MALT1: variants seen among roughly 807,000 people sequenced by gnomAD.
MALT1 encodes the protein mucosa-associated lymphoid tissue lymphoma translocation protein 1.
Under a neutral mutation model 85.5 loss-of-function variants are expected in MALT1, and 36 were observed. The observed-to-expected ratio is 0.42, with a 90% CI of 0.32 to 0.56. The LOEUF (loss-of-function observed/expected upper bound fraction) is 0.56, where lower values mean the gene tolerates loss of function less well. MALT1 is among the 20% of genes least tolerant of loss of function. MALT1 has a pLI of 0.10. For missense variants in MALT1, 716 were observed against 981.6 expected (o/e 0.73, Z 3.62); for synonymous variants, 359 against 361.3 (o/e 0.99, Z 0.07).
intron 1 of MALT1, among the ~76,000 whole-genome samples, chr18:58,674,343 AG>A (rs1309054443): frequency 6.6e-6 from 1 of 152,178 alleles, no homozygotes; most frequent in Non-Finnish European, 1.5e-5. Flanking sequence ...CACAGAGAGA[AG>A]GGGACAGTTG....
intron 4 of MALT1, among the ~76,000 whole-genome samples, chr18:58,707,759 G>A (rs1369971913): frequency 1.3e-5 from 2 of 152,098 alleles, no homozygotes; most frequent in East Asian, 1.9e-4. Context: ...CACACCCCTC[G>A]TAATGGCTAC....
intron 14 of MALT1, among the ~76,000 whole-genome samples, 154 bp downstream of exon 14, chr18:58,742,168 A>T (rs1267053592): frequency 1.3e-5 from 2 of 152,216 alleles, no homozygotes; most frequent in Non-Finnish European, 2.9e-5. Context: ...TCAATTATGG[A>T]TATTACACTG....
At position 58,752,636 on chromosome 18, in the gene MALT1, AAG is replaced by A. The variant is rs1491154062; in HGVS notation, c.*4795_*4796del. The A allele has an allele frequency of 8.7e-5, 13 of 148,598 alleles. No individual in the cohort carries two copies. The highest frequency in any genetic ancestry group is 3.0e-4 in the African/African-American group (12 of 40,496). The allele number at this position is 148,598 out of a possible 1,614,324, so 9.2% of individuals were successfully genotyped here. On this transcript the variant is annotated 3_prime_UTR_variant, in exon 17 of 17. Coordinates refer to ENST00000649217, the MANE Select transcript of MALT1 (RefSeq NM_006785.4). The stretch of plus-strand genomic sequence containing the variant: ...TCTACCAAAAAAAAAAAAAAAAAAA[AAG>A]CAAAAACAAAAATTAACTGGGCATA...
intron 7 of MALT1, among the ~76,000 whole-genome samples, chr18:58,712,224 CCAAATTTTTTT>C (rs1294260435): frequency 2.6e-5 from 4 of 152,016 alleles, no homozygotes; most frequent in African/African-American, 9.7e-5. Context: ...AAAATTAGAT[CCAAATTTTTTT>C]CAATGAAAGT....
At chr18:58,707,651 T>C (rs1159801830) in intron 4 of MALT1, among the ~76,000 whole-genome samples, 3 of 152,190 alleles carry the variant, frequency 2.0e-5, no homozygotes, top group Non-Finnish European at 4.4e-5. Context: ...ATGCTGAACA[T>C]TGAGTATAAA....
intron 13 of MALT1, among the ~76,000 whole-genome samples, chr18:58,739,346 T>C (rs1255157724): frequency 6.6e-6 from 1 of 152,204 alleles, no homozygotes; most frequent in East Asian, 1.9e-4. Context: ...ATCAGTGTTA[T>C]CAGTATCAGT....
chr18:58,742,159 C>T (rs1033222861), intron 14 of MALT1, 145 bp downstream of exon 14: 17 of 466,332 alleles, frequency 3.6e-5, no homozygotes, highest in Non-Finnish European at 6.1e-5. Context: ...ACAAATATTT[C>T]AATTATGGAT....
At chr18:58,693,182 A>T (rs2054537692) in intron 2 of MALT1, among the ~76,000 whole-genome samples, 1 of 152,196 alleles carries the variant, frequency 6.6e-6, no homozygotes, top group Admixed American at 6.5e-5. Flanking sequence ...CCACTCTGGG[A>T]GGCCAGGGCA....
chr18:58,727,946 T>G (rs1266661768), intron 10 of MALT1, among the ~76,000 whole-genome samples: 1 of 152,118 alleles, frequency 6.6e-6, no homozygotes, highest in Non-Finnish European at 1.5e-5. Context: ...ATGTAACTAG[T>G]GACCTTTCTT....
intron 1 of MALT1, among the ~76,000 whole-genome samples, chr18:58,679,647 G>A (rs55842829): frequency 1.4e-3 from 215 of 152,284 alleles, no homozygotes; most frequent in African/African-American, 5.0e-3. Flanking sequence ...TCCGCCTCCT[G>A]GGTTCAAGCG....
chr18:58,692,982 A>G (rs1227611938), intron 2 of MALT1, among the ~76,000 whole-genome samples: 1 of 152,222 alleles, frequency 6.6e-6, no homozygotes, highest in African/African-American at 2.4e-5. Context: ...ATTTCTGTGA[A>G]GACAGAGAGG....
chr18:58,736,061 G>A (rs1163593094), intron 13 of MALT1, among the ~76,000 whole-genome samples: 1 of 152,152 alleles, frequency 6.6e-6, no homozygotes, highest in East Asian at 1.9e-4. Flanking sequence ...GCTGAGGCAG[G>A]AGGATCACTT....
chr18:58,735,422 C>G lies in MALT1; in HGVS notation c.1603+93C>G, dbSNP rs73451257. 5.5e-3 allele frequency: 7,533 copies of G among 1,365,376 alleles called. 284 individuals carry two copies. In the African/African-American group the frequency reaches 0.091, roughly 17 times the overall value. The allele number at this position is 1,365,376 out of a possible 1,614,324, so 84.6% of individuals were successfully genotyped here. A position where few individuals can be genotyped will look rare whatever the true frequency, so the allele number is the denominator to read the frequency against. On this transcript the variant is annotated intron_variant, in intron 13 of 16. Transcript: ENST00000649217. ...TTCCCTCTCTGGTGATTGTTTTATT[C>G]TTATTATGTGGGTTTGGAATTAGTA...
intron 13 of MALT1, among the ~76,000 whole-genome samples, chr18:58,736,140 TAAAAAA>T (rs1337020777): frequency 6.6e-6 from 1 of 152,028 alleles, no homozygotes; most frequent in East Asian, 1.9e-4. Context: ...AAAATAAAAA[TAAAAAA>T]GAAGAAATTA....
chr18:58,745,590 G>C, intron 15 of MALT1, 76 bp from the exon 16 acceptor site: 1 of 1,317,804 alleles, frequency 7.6e-7, no homozygotes, highest in Non-Finnish European at 1.1e-6. Flanking sequence ...TATCAGTTAA[G>C]ATGTCTTATG....
At chr18:58,742,912 C>T (rs1478226597) in intron 14 of MALT1, among the ~76,000 whole-genome samples, 3 of 152,102 alleles carry the variant, frequency 2.0e-5, no homozygotes, top group East Asian at 1.9e-4. Context: ...GCTTAATTAC[C>T]TTTTGGTAAT....
intron 1 of MALT1, among the ~76,000 whole-genome samples, chr18:58,680,784 G>A (rs968039855): frequency 1.3e-4 from 19 of 151,868 alleles, no homozygotes; most frequent in South Asian, 6.3e-4. Flanking sequence ...TTAGCCGGGC[G>A]CGGTGGCGGG....
intron 7 of MALT1, 22 bp from the exon 8 acceptor site, chr18:58,714,061 A>C (rs1290133050): frequency 8.7e-7 from 1 of 1,145,418 alleles, no homozygotes; most frequent in Admixed American, 2.0e-5. Context: ...TACTTAATCT[A>C]TTTTCTCTTA....
At chr18:58,719,765 TC>T (rs2054958661) in intron 9 of MALT1, among the ~76,000 whole-genome samples, 1 of 152,204 alleles carries the variant, frequency 6.6e-6, no homozygotes, top group Non-Finnish European at 1.5e-5. Context: ...CCCCAGCCAC[TC>T]CTTCCCTAGT....
Sources: allele counts gnomAD v4.1 joint callset (sites outside exome capture counted in the v4.1 genomes callset), GRCh38; gene constraint gnomAD v4.1.1; transcripts MANE v1.5; gene names NCBI Gene and HGNC (gene_info 2026-07-23, HGNC 2026-07-21).